KCND2: variants seen among roughly 807,000 people sequenced by gnomAD.
The protein encoded by KCND2 is A-type voltage-gated potassium channel KCND2.
Under a neutral mutation model 54.4 loss-of-function variants are expected in KCND2, and 16 were observed. The observed-to-expected ratio is 0.29, with a 90% CI of 0.20 to 0.45. KCND2 has a LOEUF of 0.45. KCND2 is among the 20% of genes least tolerant of loss of function. The pLI, the probability that KCND2 is intolerant of heterozygous loss-of-function variation, is 1.00. For synonymous variants in KCND2, 317 were observed against 310.7 expected, an observed-to-expected ratio of 1.02 and a Z score of -0.21; for missense variants, 486 against 824.2, an observed-to-expected ratio of 0.59 and a Z score of 5.02.
intron 1 of KCND2, among the ~76,000 whole-genome samples, chr7:120,716,317 AT>A (rs886200737): frequency 2.9e-4 from 43 of 150,464 alleles, no homozygotes; most frequent in African/African-American, 1.0e-3. Flanking sequence ...ATAGAGTTTA[AT>A]TTAAGAAAAA....
intron 1 of KCND2, among the ~76,000 whole-genome samples, chr7:120,639,461 G>T (rs934520623): frequency 6.6e-6 from 1 of 152,060 alleles, no homozygotes; most frequent in African/African-American, 2.4e-5. Context: ...TTAAAATATG[G>T]TACTCCCAGT....
chr7:120,495,777 C>G (rs1562855039), intron 1 of KCND2, among the ~76,000 whole-genome samples: 1 of 152,090 alleles, frequency 6.6e-6, no homozygotes, highest in Non-Finnish European at 1.5e-5. Context: ...CCCCACCTAC[C>G]TTAAGCTTAG....
chr7:120,464,173 C>T lies in KCND2; in HGVS notation c.1115+188426C>T, dbSNP rs908710026. On this transcript the variant is annotated intron_variant, in intron 1 of 5. Coordinates refer to ENST00000331113, the MANE Select transcript of KCND2 (RefSeq NM_012281.3). Reference sequence around the variant, plus strand: ...TTGTATTGTCAGGGTTTTTGCCTCTCGGTGAGTCTGTTCGTGCAAGCTAGT... The same window carrying T: ...TTGTATTGTCAGGGTTTTTGCCTCTTGGTGAGTCTGTTCGTGCAAGCTAGT... The T allele has an allele frequency of 8.7e-5, 56 of 640,978 alleles. No individual in the cohort carries two copies. The South Asian group carries it at 1.0e-3, about 12-fold the overall frequency. The allele number at this position is 640,978 out of a possible 1,614,324, so 39.7% of individuals were successfully genotyped here. A position where few individuals can be genotyped will look rare whatever the true frequency, so the allele number is the denominator to read the frequency against.
intron 4 of KCND2, among the ~76,000 whole-genome samples, chr7:120,743,179 C>G (rs533661299): frequency 2.0e-5 from 3 of 152,162 alleles, no homozygotes; most frequent in Non-Finnish European, 4.4e-5. Flanking sequence ...CTTGTTTGGA[C>G]CTCCTCATTG....
chr7:120,697,029 A>G (rs1045521706), intron 1 of KCND2, among the ~76,000 whole-genome samples: 5 of 152,176 alleles, frequency 3.3e-5, no homozygotes, highest in African/African-American at 1.2e-4. Context: ...AGAACATTCA[A>G]TTTTACACAG....
intron 1 of KCND2, among the ~76,000 whole-genome samples, chr7:120,547,185 A>G (rs968906959): frequency 1.7e-4 from 26 of 152,032 alleles, no homozygotes; most frequent in Non-Finnish European, 2.9e-4. Context: ...TCTGTTAAAT[A>G]AAAACAAATC....
chr7:120,562,913 C>G (rs1161136812), intron 1 of KCND2, among the ~76,000 whole-genome samples: 1 of 151,956 alleles, frequency 6.6e-6, no homozygotes, highest in African/African-American at 2.4e-5. Context: ...GAGCATATTT[C>G]ATTAATAAAT....
chr7:120,407,340 G>A (rs1216981403), intron 1 of KCND2, among the ~76,000 whole-genome samples: 1 of 151,956 alleles, frequency 6.6e-6, no homozygotes, highest in Admixed American at 6.6e-5. Context: ...AGATACATAA[G>A]AAGTACACAT....
intron 1 of KCND2, among the ~76,000 whole-genome samples, chr7:120,284,141 A>T (rs984430840): frequency 1.3e-5 from 2 of 152,172 alleles, no homozygotes; most frequent in Non-Finnish European, 2.9e-5. Flanking sequence ...TTGAATCTAG[A>T]GGAATTCAGT....
chr7:120,646,215 G>A (rs1388885481), intron 1 of KCND2, among the ~76,000 whole-genome samples: 1 of 152,162 alleles, frequency 6.6e-6, no homozygotes, highest in Non-Finnish European at 1.5e-5. Flanking sequence ...GTTTCTGAAT[G>A]AGCAATGAAG....
At chr7:120,591,146 T>C (rs1170881117) in intron 1 of KCND2, among the ~76,000 whole-genome samples, 1 of 152,188 alleles carries the variant, frequency 6.6e-6, no homozygotes, top group East Asian at 1.9e-4. Context: ...TGTCTTTCAG[T>C]AAAGTAATGC....
In KCND2 at chr7:120,595,483, G is replaced by GTATA. The variant is rs35672951; in HGVS notation, c.1116-137408_1116-137405dup. 8.6e-3 allele frequency among the ~76,000 whole-genome samples: 1,150 copies of GTATA among 133,392 alleles called. 6 individuals carry two copies. The highest frequency in any genetic ancestry group is 0.011 in the Non-Finnish European group (677 of 64,154). 87.5% of individuals were successfully genotyped at this position (133,392 alleles called of 152,430 possible). The stretch of plus-strand genomic sequence containing the variant: ...AAAATATATATATATATATATATGT[G>GTATA]TATATATATATATATGTGTGTGTGT... On this transcript the variant is annotated intron_variant, in intron 1 of 5. Transcript: ENST00000331113.
chr7:120,485,143 C>G (rs1278580400), intron 1 of KCND2, among the ~76,000 whole-genome samples: 3 of 152,194 alleles, frequency 2.0e-5, no homozygotes, highest in Admixed American at 2.0e-4. Context: ...CAGCCTCAGT[C>G]TCCCAATGTG....
intron 1 of KCND2, among the ~76,000 whole-genome samples, chr7:120,725,078 G>A (rs914501208): frequency 6.6e-6 from 1 of 152,032 alleles, no homozygotes; most frequent in Non-Finnish European, 1.5e-5. Context: ...GAAAAAAATA[G>A]GAAACAGGAA....
chr7:120,741,664 AT>A (rs1562925492), intron 3 of KCND2, 35 bp downstream of exon 3: 1 of 1,423,622 alleles, frequency 7.0e-7, no homozygotes, highest in Admixed American at 1.7e-5. Flanking sequence ...TTAATGTTCA[AT>A]TTCTTGGTTT....
intron 1 of KCND2, among the ~76,000 whole-genome samples, chr7:120,380,985 T>A (rs1280605867): frequency 6.6e-6 from 1 of 152,120 alleles, no homozygotes; most frequent in Admixed American, 6.6e-5. Context: ...TTTAAAGAAA[T>A]TTTTTTACAG....
chr7:120,452,301 C>T (rs1802124981), intron 1 of KCND2, among the ~76,000 whole-genome samples: 4 of 152,170 alleles, frequency 2.6e-5, no homozygotes, highest in African/African-American at 9.7e-5. Context: ...TAATCAATGA[C>T]AGCCATTGCA....
chr7:120,384,266 C>CA (rs1800956527), intron 1 of KCND2, among the ~76,000 whole-genome samples: 2 of 151,954 alleles, frequency 1.3e-5, no homozygotes. Context: ...GGAACCTGGA[C>CA]AGAGGGCTGA....
intron 1 of KCND2, among the ~76,000 whole-genome samples, chr7:120,419,056 C>A (rs926008460): frequency 1.4e-5 from 2 of 144,684 alleles, no homozygotes; most frequent in East Asian, 3.9e-4. Context: ...CTGAATCTCT[C>A]TGTCTTTTAA....
Sources: allele counts gnomAD v4.1 joint callset (sites outside exome capture counted in the v4.1 genomes callset), GRCh38; gene constraint gnomAD v4.1.1; transcripts MANE v1.5; gene names NCBI Gene and HGNC (gene_info 2026-07-23, HGNC 2026-07-21).